The following DGAT2 variants were observed in gnomAD, a reference collection of about 807,000 sequenced individuals.
The protein encoded by DGAT2 is acyl-CoA retinol O-fatty-acyltransferase.
A neutral mutation model predicts 48.4 loss-of-function variants in DGAT2; 33 were observed. That is an observed-to-expected ratio of 0.68 (90% CI 0.52 to 0.91). The LOEUF (loss-of-function observed/expected upper bound fraction) is 0.91, where lower values mean the gene tolerates loss of function less well. Ranked by LOEUF, DGAT2 falls within the 40% of genes least tolerant of loss-of-function variation. The pLI, the probability that DGAT2 is intolerant of heterozygous loss-of-function variation, is 0.00. For synonymous variants in DGAT2, 191 were observed against 194.1 expected (o/e 0.98, Z 0.13); for missense variants, 446 against 493.7 (o/e 0.90, Z 0.92).
chr11:75,788,567 G>A (rs763720429), intron 2 of DGAT2, among the ~76,000 whole-genome samples: 5 of 152,124 alleles, frequency 3.3e-5, no homozygotes, highest in Non-Finnish European at 7.4e-5. Context: ...GCAACAAGGG[G>A]CTACCATTTC....
At position 75,790,754 on chromosome 11, in the gene DGAT2, T is replaced by C. The variant is rs368107051; in HGVS notation, c.429+23T>C. On this transcript the variant is annotated intron_variant, in intron 4 of 7. Transcript: ENST00000228027. The stretch of plus-strand genomic sequence containing the variant: ...CAGGTAAAGTGCTGTGAGTGTTGTT[T>C]TGGGAGGGTGGGAATGGATGGGAAA... 31 of 1,613,486 alleles carry C rather than the reference T, an allele frequency of 1.9e-5. No individual in the cohort carries two copies. In the Middle Eastern group the frequency reaches 8.2e-4, roughly 43 times the overall value.
chr11:75,781,161 T>C (rs1208333109), intron 1 of DGAT2, among the ~76,000 whole-genome samples: 1 of 152,254 alleles, frequency 6.6e-6, no homozygotes, highest in East Asian at 1.9e-4. Flanking sequence ...AGGTTATTTC[T>C]GTGGGTGGCA....
chr11:75,769,189 C>A (rs1590860042), intron 1 of DGAT2, 77 bp downstream of exon 1: 1 of 1,460,954 alleles, frequency 6.8e-7, no homozygotes. Flanking sequence ...CTGGTGGGTA[C>A]TGATGAGTCC....
intron 2 of DGAT2, among the ~76,000 whole-genome samples, chr11:75,786,316 G>T: frequency 6.6e-6 from 1 of 152,200 alleles, no homozygotes. Flanking sequence ...CGAGGATGGA[G>T]CCTTACTTGG....
chr11:75,785,624 GCACGTCAAGGCAGATGAA>G (rs1192301174), intron 2 of DGAT2, among the ~76,000 whole-genome samples: 2 of 152,230 alleles, frequency 1.3e-5, no homozygotes, highest in African/African-American at 2.4e-5. Flanking sequence ...AGCTTCCTCA[GCACGTCAAGGCAGATGAA>G]CCTGCTCCAG....
intron 6 of DGAT2, among the ~76,000 whole-genome samples, 191 bp downstream of exon 6, chr11:75,797,523 G>A (rs955758179): frequency 6.6e-6 from 1 of 152,218 alleles, no homozygotes; most frequent in Non-Finnish European, 1.5e-5. Flanking sequence ...GTGTCTGGGT[G>A]GGCACAGATG....
rs767660958 is a variant in DGAT2 at position 75,797,178 on chromosome 11, G to A, written c.655G>A (p.Asp219Asn). The A allele has an allele frequency of 3.1e-5, 47 of 1,508,216 alleles. No homozygotes were observed. Among genetic ancestry groups the A allele is most frequent in the Non-Finnish European group, 3.9e-5 (44 of 1,122,524 alleles). 93.4% of individuals were successfully genotyped at this position (1,508,216 alleles called of 1,614,324 possible). A position where few individuals can be genotyped will look rare whatever the true frequency, so the allele number is the denominator to read the frequency against. The change falls in exon 6 of 8, where the codon GAC becomes AAC. Residue 219 changes from aspartate to asparagine, a missense_variant. Physicochemically the swap from Asp to Asn is conservative, Grantham distance 23 (BLOSUM62 1). Transcript: ENST00000228027. Reference sequence around the variant, plus strand: ...CTCAGGTATCTGCCCTGTCAGCCGGGACACCATAGACTATTTGCTTTCAAA... The same window carrying A: ...CTCAGGTATCTGCCCTGTCAGCCGGAACACCATAGACTATTTGCTTTCAAA... The part of the protein sequence containing the change: ...MSGGICPVSR[D>N]TIDYLLSKNG...
At chr11:75,771,343 G>A (rs1944755811) in intron 1 of DGAT2, among the ~76,000 whole-genome samples, 1 of 152,036 alleles carries the variant, frequency 6.6e-6, no homozygotes, top group Non-Finnish European at 1.5e-5. Flanking sequence ...TTTGGATTGG[G>A]GGCTCTTCGT....
At position 75,798,287 on chromosome 11, in the gene DGAT2, C is replaced by T. The variant is rs959980779; in HGVS notation, c.870C>T (p.Phe290=). The T allele has an allele frequency of 5.0e-6, 8 of 1,614,052 alleles. No individual in the cohort carries two copies. The highest frequency in any genetic ancestry group is 2.2e-5 in the East Asian group (1 of 44,892). Reference sequence around the variant, plus strand: ...ATGAAGTGTACAAGCAGGTGATCTTCGAGGAGGGCTCCTGGGGCCGATGGG... The same window carrying T: ...ATGAAGTGTACAAGCAGGTGATCTTTGAGGAGGGCTCCTGGGGCCGATGGG... ...GENEVYKQVI[F]EEGSWGRWVQ... The change falls in exon 7 of 8, where the codon TTC becomes TTT. Residue 290 remains phenylalanine, a synonymous_variant. Transcript: ENST00000228027.
chr11:75,783,041 A>G (rs541050239), intron 1 of DGAT2, among the ~76,000 whole-genome samples: 2 of 152,310 alleles, frequency 1.3e-5, no homozygotes, highest in East Asian at 3.9e-4. Context: ...CGAAGGAGCA[A>G]TTATGAGGCA....
intron 3 of DGAT2, 126 bp from the exon 4 acceptor site, chr11:75,790,535 T>C (rs2135774161): frequency 2.1e-6 from 2 of 933,378 alleles, no homozygotes; most frequent in South Asian, 1.3e-5. Context: ...GAAAGGGGCC[T>C]GATGGGAAGG....
intron 4 of DGAT2, chr11:75,795,676 A>G (rs1397255769): frequency 6.5e-6 from 1 of 153,336 alleles, no homozygotes; most frequent in Non-Finnish European, 1.5e-5. Flanking sequence ...CCTGCCTTAG[A>G]ACCTGAACTG....
At chr11:75,779,795 G>A (rs1944840753) in intron 1 of DGAT2, among the ~76,000 whole-genome samples, 1 of 152,190 alleles carries the variant, frequency 6.6e-6, no homozygotes, top group African/African-American at 2.4e-5. Flanking sequence ...GGAGAAACTT[G>A]TACCTAGGGA....
intron 4 of DGAT2, 168 bp from the exon 5 acceptor site, chr11:75,796,160 C>T: frequency 1.5e-6 from 1 of 665,124 alleles, no homozygotes; most frequent in Non-Finnish European, 2.7e-6. Context: ...AACACCAGCA[C>T]TGTGGCCCTG....
At chr11:75,782,834 G>A (rs1480587959) in intron 1 of DGAT2, among the ~76,000 whole-genome samples, 1 of 152,214 alleles carries the variant, frequency 6.6e-6, no homozygotes, top group African/African-American at 2.4e-5. Context: ...AGGAATGCTG[G>A]GTTTCAGTCC....
chr11:75,773,912 C>G (rs978324835), intron 1 of DGAT2: 3 of 152,234 alleles, frequency 2.0e-5, no homozygotes. Flanking sequence ...TAGACATCAG[C>G]AAGACAGGCA....
rs373962871 is a variant in DGAT2, at chr11:75,798,318, A to G, written c.901A>G (p.Lys301Glu). Residue 301 changes from lysine to glutamate, a missense_variant, in exon 7 of 8, where the codon AAG becomes GAG. Transcript: ENST00000228027. ...EEGSWGRWVQ[K>E]KFQKYIGFAP... ...GGGCTCCTGGGGCCGATGGGTCCAG[A>G]AGAAGTTCCAGAAATACATTGGTTT... is the stretch of plus-strand genomic sequence containing the variant. 9.7e-5 allele frequency: 156 copies of G among 1,614,198 alleles called. 1 individual carries two copies. The highest frequency in any genetic ancestry group is 6.6e-4 in the Middle Eastern group (4 of 6,062).
At chr11:75,793,165 G>A (rs1009891584) in intron 4 of DGAT2, 2 of 152,348 alleles carry the variant, frequency 1.3e-5, no homozygotes, top group African/African-American at 4.8e-5. Context: ...TTTGCCACGG[G>A]AAACAGGCAG....
intron 1 of DGAT2, among the ~76,000 whole-genome samples, chr11:75,777,946 A>G (rs1394742951): frequency 2.0e-5 from 3 of 152,200 alleles, no homozygotes; most frequent in African/African-American, 4.8e-5. Flanking sequence ...CCTCAGCAGA[A>G]GTTAAGCATC....
Sources: gnomAD v4.1 joint callset for allele counts (sites outside exome capture counted in the v4.1 genomes callset) on GRCh38, gnomAD v4.1.1 for gene constraint, MANE v1.5 for transcripts, NCBI Gene and HGNC (gene_info 2026-07-23, HGNC 2026-07-21) for gene names.